The following MAGI2 variants were observed in gnomAD, a reference collection of about 807,000 sequenced individuals.
MAGI2 encodes membrane-associated guanylate kinase, WW and PDZ domain-containing protein 2.
A neutral mutation model predicts 133.3 loss-of-function variants in MAGI2; 35 were observed. The ratio of observed to expected loss-of-function variants is 0.26; its 90% CI spans 0.20 to 0.35. The LOEUF (loss-of-function observed/expected upper bound fraction) is 0.35, where lower values mean the gene tolerates loss of function less well. MAGI2 is among the 10% of genes least tolerant of loss of function. The pLI is 1.00. For missense variants in MAGI2, 1,636 were observed against 1,863.4 expected (o/e 0.88, Z 2.25); for synonymous variants, 729 against 710.6 (o/e 1.03, Z -0.41).
chr7:79,166,022 T>C (rs1281134526), intron 1 of MAGI2, among the ~76,000 whole-genome samples: 1 of 151,994 alleles, frequency 6.6e-6, no homozygotes, highest in East Asian at 1.9e-4. Flanking sequence ...GAAAAATCTT[T>C]GTTGGTTTGA....
intron 1 of MAGI2, among the ~76,000 whole-genome samples, chr7:79,295,802 G>C (rs1026612568): frequency 1.3e-5 from 2 of 152,000 alleles, no homozygotes; most frequent in African/African-American, 2.4e-5. Flanking sequence ...GTGATAGTAA[G>C]ATGCCTTCAA....
chr7:78,186,170 T>C (rs1827676263), intron 12 of MAGI2, among the ~76,000 whole-genome samples: 1 of 152,200 alleles, frequency 6.6e-6, no homozygotes, highest in Non-Finnish European at 1.5e-5. Flanking sequence ...AAATTATGTA[T>C]AAGTAGTTGA....
intron 1 of MAGI2, among the ~76,000 whole-genome samples, chr7:79,259,906 C>T (rs1214355767): frequency 6.6e-6 from 1 of 152,142 alleles, no homozygotes; most frequent in African/African-American, 2.4e-5. Context: ...AGCTGCAGGG[C>T]ACTTTATAGG....
intron 1 of MAGI2, among the ~76,000 whole-genome samples, chr7:79,167,442 A>G (rs1002968324): frequency 1.3e-5 from 2 of 151,770 alleles, no homozygotes; most frequent in African/African-American, 4.8e-5. Context: ...ATCAAAATAA[A>G]AAAGTAAAAT....
chr7:78,019,964 G>C lies in MAGI2; in HGVS notation c.3719C>G (p.Pro1240Arg), dbSNP rs537171726. Reference sequence around the variant, plus strand: ...GGCGGCGGCAGCGGGAGAACTCCAGGGGGCGGGTTCGTCTGTGGACGGGAA... The same window carrying C: ...GGCGGCGGCAGCGGGAGAACTCCAGCGGGCGGGTTCGTCTGTGGACGGGAA... Reference protein sequence around the residue: ...GQVPEYDEPAPWSSPAAAAPG... With the variant: ...GQVPEYDEPARWSSPAAAAPG... Residue 1240 changes from proline to arginine, a missense_variant, in exon 22 of 22, where the codon CCC becomes CGC. Around this residue, in one of 5 missense-constraint regions of MAGI2, gnomAD observed 354 missense variants for 298.7 expected, o/e 1.19. Coordinates refer to ENST00000354212, the MANE Select transcript of MAGI2 (RefSeq NM_012301.4). 6.2e-7 allele frequency: 1 copy of C among 1,606,204 alleles called. No homozygotes were observed. Among genetic ancestry groups the C allele is most frequent in the Non-Finnish European group, 8.5e-7 (1 of 1,177,314 alleles).
rs1967150 is a variant in MAGI2, at chr7:78,693,155, A to G, written c.419-65916T>C. Among the ~76,000 whole-genome samples the G allele has an allele frequency of 5.0e-3, 758 of 152,294 alleles. 5 individuals carry two copies. The highest frequency in any genetic ancestry group is 8.0e-3 in the Non-Finnish European group (546 of 68,038). ...CCATCTTTGCCACTTGCTGGTTGTG[A>G]AAGTTAGGCAAAGTCTTTAATCTCC... is the stretch of plus-strand genomic sequence containing the variant. On this transcript the variant is annotated intron_variant, in intron 2 of 21. Transcript: ENST00000354212.
chr7:78,029,057 C>G (rs1381755780), intron 21 of MAGI2, among the ~76,000 whole-genome samples: 1 of 151,970 alleles, frequency 6.6e-6, no homozygotes, highest in Non-Finnish European at 1.5e-5. Context: ...TATTAATATT[C>G]CAACCTTTTC....
At chr7:79,326,922 C>T (rs1053335840) in intron 1 of MAGI2, among the ~76,000 whole-genome samples, 11 of 152,104 alleles carry the variant, frequency 7.2e-5, no homozygotes, top group Admixed American at 1.3e-4. Flanking sequence ...ATTCAGACAC[C>T]AAACTTCTGA....
At chr7:78,845,166 C>A (rs1792482311) in intron 2 of MAGI2, among the ~76,000 whole-genome samples, 3 of 152,004 alleles carry the variant, frequency 2.0e-5, no homozygotes, top group Middle Eastern at 6.8e-3. Flanking sequence ...CTTCCATTTT[C>A]TGAAAGAATA....
At chr7:79,389,014 C>A (rs1261508482) in intron 1 of MAGI2, among the ~76,000 whole-genome samples, 5 of 151,862 alleles carry the variant, frequency 3.3e-5, no homozygotes, top group African/African-American at 1.2e-4. Context: ...TTTTACTGTG[C>A]ATACTGGAGA....
intron 2 of MAGI2, among the ~76,000 whole-genome samples, chr7:78,663,615 T>C (rs1436432462): frequency 2.4e-4 from 37 of 152,212 alleles, no homozygotes; most frequent in Non-Finnish European, 5.9e-5. Flanking sequence ...AAACTGATAC[T>C]TTATTGAGGT....
intron 1 of MAGI2, among the ~76,000 whole-genome samples, chr7:79,264,768 T>C (rs547057084): frequency 6.6e-6 from 1 of 152,000 alleles, no homozygotes; most frequent in South Asian, 2.1e-4. Context: ...GTTGAGGATC[T>C]AGTGAGGGCT....
At chr7:78,212,455 C>T (rs1404702944) in intron 10 of MAGI2, among the ~76,000 whole-genome samples, 1 of 152,238 alleles carries the variant, frequency 6.6e-6, no homozygotes, top group Non-Finnish European at 1.5e-5. Flanking sequence ...GCTGCAGCTG[C>T]CCTGAAGATA....
At chr7:79,055,749 T>C (rs1289551365) in intron 1 of MAGI2, among the ~76,000 whole-genome samples, 1 of 152,252 alleles carries the variant, frequency 6.6e-6, no homozygotes. Flanking sequence ...AGCTTGTTTT[T>C]ATTTTTCTGA....
chr7:79,071,391 G>T (rs1814951600), intron 1 of MAGI2, among the ~76,000 whole-genome samples: 1 of 152,012 alleles, frequency 6.6e-6, no homozygotes, highest in Non-Finnish European at 1.5e-5. Flanking sequence ...GTTGGCCCCT[G>T]CTGGGAGGTG....
rs145843945 is a variant in MAGI2, at chr7:78,408,665, T to C, written c.1046-39452A>G. On this transcript the variant is annotated intron_variant, in intron 6 of 21. Coordinates refer to ENST00000354212, the MANE Select transcript of MAGI2 (RefSeq NM_012301.4). Reference sequence around the variant, plus strand: ...ATGTGGCTACTGGGCACTTGAAAGGTAGCTGGTTTAAATTGCGATGTGCTG... The same window carrying C: ...ATGTGGCTACTGGGCACTTGAAAGGCAGCTGGTTTAAATTGCGATGTGCTG... Among the ~76,000 whole-genome samples the C allele has an allele frequency of 6.5e-3, 992 of 152,202 alleles. 18 individuals are homozygous for C. Among genetic ancestry groups the C allele is most frequent in the African/African-American group, 0.016 (653 of 41,560 alleles).
intron 10 of MAGI2, among the ~76,000 whole-genome samples, chr7:78,224,676 A>G (rs78099208): frequency 6.9e-6 from 1 of 144,196 alleles, no homozygotes; most frequent in Non-Finnish European, 1.5e-5. Flanking sequence ...AACAACAACA[A>G]CAGCAACAAC....
chr7:78,943,133 C>T (rs536344600), intron 2 of MAGI2, among the ~76,000 whole-genome samples: 1 of 152,028 alleles, frequency 6.6e-6, no homozygotes, highest in Non-Finnish European at 1.5e-5. Flanking sequence ...CTTCAAGGAG[C>T]AGTTTTGAGG....
chr7:79,414,478 T>C (rs1222669914), intron 1 of MAGI2: 1 of 152,138 alleles, frequency 6.6e-6, no homozygotes, highest in Non-Finnish European at 1.5e-5. Flanking sequence ...AGTTCATAAA[T>C]GTGACCCGTG....
Sources: allele counts gnomAD v4.1 joint callset (sites outside exome capture counted in the v4.1 genomes callset), GRCh38; gene constraint gnomAD v4.1.1; regional missense constraint gnomAD v4.1.1; transcripts MANE v1.5; gene names NCBI Gene and HGNC (gene_info 2026-07-23, HGNC 2026-07-21).